Variants in OAS3 observed in about 807,000 individuals in gnomAD.
OAS3 encodes the protein 2'-5'-oligoadenylate synthetase 3, also known as 2'-5'-oligoadenylate synthase 3.
A neutral mutation model predicts 113.0 loss-of-function variants in OAS3; 107 were observed. That is an observed-to-expected ratio of 0.95 (90% CI 0.81 to 1.11). The LOEUF (loss-of-function observed/expected upper bound fraction) is 1.11, where lower values mean the gene tolerates loss of function less well. Among genes scored for constraint, OAS3 ranks in the 50% most tolerant of loss-of-function variants. The probability of loss-of-function intolerance (pLI) is 0.00; values close to 1 mark genes in which losing one functional copy is unlikely to be tolerated. For synonymous variants in OAS3, 552 were observed against 573.6 expected (o/e 0.96, Z 0.54); for missense variants, 1,258 against 1,389.1 (o/e 0.91, Z 1.50).
At chr12:112,956,559 A>C (rs2043838305) in intron 7 of OAS3, among the ~76,000 whole-genome samples, 1 of 152,228 alleles carries the variant, frequency 6.6e-6, no homozygotes, top group African/African-American at 2.4e-5. Flanking sequence ...TTGGTTTCAA[A>C]GAACATCTTT....
intron 12 of OAS3, among the ~76,000 whole-genome samples, chr12:112,966,822 T>C (rs1273996167): frequency 1.3e-5 from 2 of 152,120 alleles, no homozygotes; most frequent in Non-Finnish European, 2.9e-5. Flanking sequence ...ATAGAATTTT[T>C]TGTAGAGATG....
chr12:112,941,465 C>T (rs1455413134), intron 1 of OAS3, 105 bp from the exon 2 acceptor site: 2 of 1,291,256 alleles, frequency 1.5e-6, no homozygotes, highest in Non-Finnish European at 1.1e-6. Flanking sequence ...AGCCATGTGG[C>T]CACAGTCTCT....
chr12:112,964,142 G>A (rs1427546099), intron 10 of OAS3, 93 bp from the exon 11 acceptor site: 1 of 1,269,000 alleles, frequency 7.9e-7, no homozygotes, highest in Non-Finnish European at 1.1e-6. Flanking sequence ...GGAGACAGTG[G>A]GAGTCTTGTC....
chr12:112,949,158 C>T lies in OAS3; in HGVS notation c.1327C>T (p.Arg443Cys), dbSNP rs377672802. The T allele has an allele frequency of 4.1e-5, 66 of 1,613,430 alleles. No individual in the cohort carries two copies. The highest frequency in any genetic ancestry group is 4.7e-5 in the Non-Finnish European group (56 of 1,179,882). The change falls in exon 6 of 16, where the codon CGC becomes TGC. Residue 443 changes from arginine (R) to cysteine (C), a missense_variant. Transcript: ENST00000228928. ...GAAAAAGGCCATTGACATCATCTTG[C>T]GCTGCCTCCATGAGAACTGTGTTCA... ...QVKKAIDIIL[R>C]CLHENCVHKA...
intron 5 of OAS3, 140 bp downstream of exon 5, chr12:112,948,239 T>A: frequency 1.2e-6 from 1 of 809,844 alleles, no homozygotes; most frequent in Non-Finnish European, 1.7e-6. Context: ...CTCACGCCTG[T>A]AATCTCAACA....
intron 8 of OAS3, 142 bp downstream of exon 8, chr12:112,961,388 C>A: frequency 1.4e-6 from 1 of 732,348 alleles, no homozygotes; most frequent in Non-Finnish European, 2.2e-6. Flanking sequence ...CTCCTCCATC[C>A]TCCATTTCCT....
chr12:112,965,393 G>A (rs1004855274), intron 11 of OAS3, among the ~76,000 whole-genome samples: 2 of 152,160 alleles, frequency 1.3e-5, no homozygotes, highest in Admixed American at 6.5e-5. Context: ...ACAGTCTTGT[G>A]GGGTGGGAGC....
intron 3 of OAS3, 162 bp downstream of exon 3, chr12:112,944,813 T>C: frequency 1.4e-6 from 1 of 738,376 alleles, no homozygotes; most frequent in Non-Finnish European, 2.3e-6. Context: ...TTAGCTGTCT[T>C]GTTACTGATT....
In OAS3 at chr12:112,965,941, T is replaced by A. The variant is rs1292129065; in HGVS notation, c.2601T>A (p.Asn867Lys). 5.0e-6 allele frequency: 8 copies of A among 1,613,768 alleles called. No individual in the cohort carries two copies. The Admixed American group carries it at 1.2e-4, about 24-fold the overall frequency. Reference sequence around the variant, plus strand: ...AGTTTGAAGTCTCCAAATGGGAGAATCCCCGCGTGCTGAGCTTCTCACTGA... The same window carrying A: ...AGTTTGAAGTCTCCAAATGGGAGAAACCCCGCGTGCTGAGCTTCTCACTGA... Reference protein sequence around the residue: ...EVKFEVSKWENPRVLSFSLTS... With the variant: ...EVKFEVSKWEKPRVLSFSLTS... The change falls in exon 12 of 16, where the codon AAT becomes AAA. Residue 867 changes from asparagine to lysine, a missense_variant. By Grantham distance (94) the Asn-to-Lys change is moderately conservative (BLOSUM62 0). Transcript: ENST00000228928.
intron 12 of OAS3, among the ~76,000 whole-genome samples, chr12:112,966,347 A>C (rs1321817625): frequency 1.3e-5 from 2 of 152,152 alleles, no homozygotes; most frequent in Admixed American, 1.3e-4. Context: ...CTCACATCTG[A>C]CAGTAAGGAC....
chr12:112,962,852 T>G lies in OAS3; in HGVS notation c.2034T>G (p.Thr678=). ...LCVYWTVNYS[T]EDPAMRMHLL... ...TCTACTGGACGGTCAACTATAGCAC[T>G]GAGGACCCAGCCATGAGAATGCACC... Residue 678 remains threonine, a synonymous_variant, in exon 9 of 16, where the codon ACT becomes ACG. Coordinates refer to ENST00000228928, the MANE Select transcript of OAS3 (RefSeq NM_006187.4). The G allele has an allele frequency of 2.5e-6, 4 of 1,613,962 alleles. No individual in the cohort carries two copies. Among genetic ancestry groups the G allele is most frequent in the Non-Finnish European group, 3.4e-6 (4 of 1,179,856 alleles).
chr12:112,946,696 T>C (rs1243430524), intron 3 of OAS3, 47 bp from the exon 4 acceptor site: 1 of 1,518,238 alleles, frequency 6.6e-7, no homozygotes, highest in Non-Finnish European at 9.0e-7. Context: ...CTGGCTCTCT[T>C]TCCTCCCCTT....
intron 7 of OAS3, 70 bp downstream of exon 7, chr12:112,951,045 C>A: frequency 6.8e-7 from 1 of 1,464,274 alleles, no homozygotes; most frequent in Non-Finnish European, 9.2e-7. Flanking sequence ...GGGGCACCTG[C>A]CATCCTCTTT....
intron 7 of OAS3, among the ~76,000 whole-genome samples, chr12:112,959,374 T>G (rs1353049429): frequency 6.6e-6 from 1 of 151,498 alleles, no homozygotes; most frequent in Admixed American, 6.6e-5. Context: ...GTGAGAGGAG[T>G]GAGAGGAACC....
At chr12:112,955,624 A>G (rs1271816003) in intron 7 of OAS3, among the ~76,000 whole-genome samples, 1 of 152,190 alleles carries the variant, frequency 6.6e-6, no homozygotes, top group African/African-American at 2.4e-5. Context: ...GATTACGTTT[A>G]TTGATTTGTG....
In OAS3 at chr12:112,966,026, C is replaced by T; in HGVS notation, c.2686C>T (p.Leu896=). 6.2e-7 allele frequency: 1 copy of T among 1,613,844 alleles called. No individual in the cohort carries two copies. The highest frequency in any genetic ancestry group is 1.1e-5 in the South Asian group (1 of 91,076). ...DFDVLPAFDA[L]GQLVSGSRPS... is the part of the protein sequence containing the mutation. ...TGATGTGCTGCCAGCCTTTGACGCC[C>T]TAGGTGAGGTGCCCTGGCGTAGACC... The change falls in exon 12 of 16, where the codon CTA becomes TTA. Residue 896 remains leucine, a synonymous_variant. Coordinates refer to ENST00000228928, the MANE Select transcript of OAS3 (RefSeq NM_006187.4).
chr12:112,949,132 T>C lies in OAS3; in HGVS notation c.1301T>C (p.Val434Ala). ...LKPSPQFQEQVKKAIDIILRC... is the reference protein window; with the variant it reads ...LKPSPQFQEQAKKAIDIILRC... ...CCGAGCCCCCAGTTCCAGGAGCAGG[T>C]GAAAAAGGCCATTGACATCATCTTG... The change falls in exon 6 of 16, where the codon GTG becomes GCG. Residue 434 changes from valine (V) to alanine (A), a missense_variant. Physicochemically the swap from Val to Ala is moderately conservative, Grantham distance 64. Coordinates refer to ENST00000228928, the MANE Select transcript of OAS3 (RefSeq NM_006187.4). The C allele has an allele frequency of 1.2e-6, 2 of 1,613,800 alleles. No individual in the cohort carries two copies. The highest frequency in any genetic ancestry group is 1.7e-6 in the Non-Finnish European group (2 of 1,179,856).
intron 8 of OAS3, 115 bp downstream of exon 8, chr12:112,961,361 A>G: frequency 3.1e-6 from 3 of 972,024 alleles, no homozygotes; most frequent in Non-Finnish European, 4.5e-6. Context: ...TTGGTCATCC[A>G]GAGCAGAAGG....
intron 8 of OAS3, among the ~76,000 whole-genome samples, chr12:112,961,850 C>A (rs2043890159): frequency 6.6e-6 from 1 of 151,848 alleles, no homozygotes; most frequent in South Asian, 2.1e-4. Context: ...GGCTGGAGTG[C>A]TGTGGCACAA....
Sources: gnomAD v4.1 joint callset for allele counts (sites outside exome capture counted in the v4.1 genomes callset) on GRCh38, gnomAD v4.1.1 for gene constraint, MANE v1.5 for transcripts, NCBI Gene and HGNC (gene_info 2026-07-23, HGNC 2026-07-21) for gene names.